MYOZ3: variants seen among roughly 807,000 people sequenced by gnomAD.
MYOZ3 encodes the protein myozenin-3.
Under a neutral mutation model 26.5 loss-of-function variants are expected in MYOZ3, and 19 were observed. The ratio of observed to expected loss-of-function variants is 0.72; its 90% CI spans 0.50 to 1.05. MYOZ3 has a LOEUF of 1.05. MYOZ3 is among the 50% of genes least tolerant of loss of function. The probability of loss-of-function intolerance (pLI) is 0.00; values close to 1 mark genes in which losing one functional copy is unlikely to be tolerated. For missense variants in MYOZ3, 322 were observed against 337.1 expected (o/e 0.96, Z 0.35); for synonymous variants, 135 against 138.8 (o/e 0.97, Z 0.19).
At chr5:150,666,050 AAAG>A (rs1430380979) in intron 2 of MYOZ3, among the ~76,000 whole-genome samples, 1 of 151,848 alleles carries the variant, frequency 6.6e-6, no homozygotes, top group Non-Finnish European at 1.5e-5. Context: ...AAAAAAAAAA[AAAG>A]AACAATATTG....
rs1758728291 is a variant in MYOZ3, at chr5:150,661,369, A to AG, written c.-58dup. ...CACGCAACTCTCAGCTTCCCGACAG[A>AG]GGTGTTAATCTTGAGGGTCTAAGAT... On this transcript the variant is annotated 5_prime_UTR_variant, in exon 1 of 7. Transcript: ENST00000517768. 6.6e-6 allele frequency: 1 copy of AG among 152,428 alleles called. No individual in the cohort carries two copies. The highest frequency in any genetic ancestry group is 1.5e-5 in the Non-Finnish European group (1 of 68,064). 9.4% of individuals were successfully genotyped at this position (152,428 alleles called of 1,614,324 possible). A position where few individuals can be genotyped will look rare whatever the true frequency, so the allele number is the denominator to read the frequency against.
chr5:150,665,112 C>T (rs1033072604), intron 2 of MYOZ3, among the ~76,000 whole-genome samples: 4 of 151,752 alleles, frequency 2.6e-5, no homozygotes, highest in African/African-American at 9.7e-5. Context: ...TGTTTGGACA[C>T]GTCATGTGTG....
In MYOZ3 at chr5:150,677,724, A is replaced by G. The variant is rs1286579920; in HGVS notation, c.*849A>G. On this transcript the variant is annotated 3_prime_UTR_variant, in exon 7 of 7. Coordinates refer to ENST00000517768, the MANE Select transcript of MYOZ3 (RefSeq NM_001122853.3). ...GCCAGGCCCGGGCCTCGAGGAGGAA[A>G]AGACAGTAGGGAAGACATTATAGAG... 6.6e-6 allele frequency: 1 copy of G among 152,246 alleles called. No homozygotes were observed. The highest frequency in any genetic ancestry group is 2.4e-5 in the African/African-American group (1 of 41,448). 9.4% of individuals were successfully genotyped at this position (152,246 alleles called of 1,614,324 possible).
At chr5:150,663,076 C>A in intron 2 of MYOZ3, 74 bp downstream of exon 2, 1 of 1,324,238 alleles carries the variant, frequency 7.6e-7, no homozygotes, top group South Asian at 1.3e-5. Flanking sequence ...TCACTCTGGC[C>A]TGCTGGCCCC....
At chr5:150,673,510 T>G (rs1758957770) in intron 6 of MYOZ3, among the ~76,000 whole-genome samples, 2 of 151,948 alleles carry the variant, frequency 1.3e-5, no homozygotes, top group Admixed American at 1.3e-4. Flanking sequence ...CCGGCTAATT[T>G]TTTGTATTTT....
intron 6 of MYOZ3, 125 bp from the exon 7 acceptor site, chr5:150,676,582 G>A: frequency 1.4e-6 from 1 of 699,568 alleles, no homozygotes; most frequent in Non-Finnish European, 2.4e-6. Context: ...GAATCTTGCT[G>A]TATAGAAGGG....
Position 150,678,042 on chromosome 5 carries a change from T to C in MYOZ3, c.*1167T>C, listed in dbSNP as rs1179039687. 2 of 152,364 alleles carry C rather than the reference T, an allele frequency of 1.3e-5. No individual in the cohort carries two copies. Among genetic ancestry groups the C allele is most frequent in the East Asian group, 3.9e-4 (2 of 5,194 alleles). The allele number at this position is 152,364 out of a possible 1,614,324, so 9.4% of individuals were successfully genotyped here. A position where few individuals can be genotyped will look rare whatever the true frequency, so the allele number is the denominator to read the frequency against. On this transcript the variant is annotated 3_prime_UTR_variant, in exon 7 of 7. Coordinates refer to ENST00000517768, the MANE Select transcript of MYOZ3 (RefSeq NM_001122853.3). ...CTAGAGGAGCCAGTGAGGGCCAGCA[T>C]GGGGTGGGCTTCACTAAGGAAATGG...
rs1256642444 is a variant in MYOZ3 at position 150,677,629 on chromosome 5, T to G, written c.*754T>G. 1.3e-5 allele frequency: 2 copies of G among 152,376 alleles called. No individual in the cohort carries two copies. Among genetic ancestry groups the G allele is most frequent in the South Asian group, 2.1e-4 (1 of 4,830 alleles). The allele number at this position is 152,376 out of a possible 1,614,324, so 9.4% of individuals were successfully genotyped here. ...AATAATTAGAAAATGTTCCTTTTAC[T>G]GAGATGCAGTTGGTCTTCATCTATT... On this transcript the variant is annotated 3_prime_UTR_variant, in exon 7 of 7. Coordinates refer to ENST00000517768, the MANE Select transcript of MYOZ3 (RefSeq NM_001122853.3).
At chr5:150,661,937 A>C (rs1758738612) in intron 1 of MYOZ3, among the ~76,000 whole-genome samples, 1 of 152,048 alleles carries the variant, frequency 6.6e-6, no homozygotes, top group South Asian at 2.1e-4. Flanking sequence ...ATTTAGCCTA[A>C]CCCCCTACTG....
chr5:150,664,136 T>C (rs1758774617), intron 2 of MYOZ3, among the ~76,000 whole-genome samples: 2 of 152,228 alleles, frequency 1.3e-5, no homozygotes, highest in African/African-American at 4.8e-5. Flanking sequence ...TCAGGGGACC[T>C]AAGTTAGGAC....
chr5:150,667,725 CTTACCAATCCTCTCT>C (rs1358743483), intron 2 of MYOZ3, among the ~76,000 whole-genome samples: 1 of 152,202 alleles, frequency 6.6e-6, no homozygotes, highest in African/African-American at 2.4e-5. Context: ...CTATATTGTT[CTTACCAATCCTCTCT>C]TTCTCTCTTT....
rs568317465 is a variant in MYOZ3, at chr5:150,661,703, G to A, written c.-2+276G>A. Among the ~76,000 whole-genome samples, 63 of 152,328 alleles carry A rather than the reference G, an allele frequency of 4.1e-4. 1 individual carries two copies. Among genetic ancestry groups the A allele is most frequent in the African/African-American group, 1.5e-3 (61 of 41,562 alleles). ...GATTTTTAGGCAGTAGAGGGAAGCA[G>A]CTTCTCTGTAAAATGAGAGACCCTT... On this transcript the variant is annotated intron_variant, in intron 1 of 6. Coordinates refer to ENST00000517768, the MANE Select transcript of MYOZ3 (RefSeq NM_001122853.3).
At chr5:150,666,768 C>CT (rs987593251) in intron 2 of MYOZ3, among the ~76,000 whole-genome samples, 77 of 139,672 alleles carry the variant, frequency 5.5e-4, no homozygotes, top group Middle Eastern at 3.6e-3. Context: ...TTCTTTTTTT[C>CT]TTTTTTTTTT....
intron 2 of MYOZ3, 84 bp from the exon 3 acceptor site, chr5:150,670,396 TACAC>T (rs1758882917): frequency 2.9e-6 from 4 of 1,387,102 alleles, no homozygotes; most frequent in Non-Finnish European, 3.8e-6. Flanking sequence ...CAGGCATTCT[TACAC>T]ACAGCATGCC....
intron 3 of MYOZ3, among the ~76,000 whole-genome samples, chr5:150,671,144 T>C (rs1474300837): frequency 6.6e-6 from 1 of 152,154 alleles, no homozygotes; most frequent in Non-Finnish European, 1.5e-5. Flanking sequence ...GGCTATTCCA[T>C]CCACCCTCCA....
At chr5:150,666,033 TAAA>T (rs61227926) in intron 2 of MYOZ3, among the ~76,000 whole-genome samples, 1 of 115,806 alleles carries the variant, frequency 8.6e-6, no homozygotes. Flanking sequence ...GAAACTCGTC[TAAA>T]AAAAAAAAAA....
In MYOZ3 at chr5:150,671,764, G is replaced by A; in HGVS notation, c.280G>A (p.Ala94Thr). 6.2e-7 allele frequency: 1 copy of A among 1,613,360 alleles called. No homozygotes were observed. The highest frequency in any genetic ancestry group is 8.5e-7 in the Non-Finnish European group (1 of 1,179,956). The change falls in exon 5 of 7, where the codon GCC (alanine) becomes ACC (threonine). Residue 94 changes from alanine (A) to threonine (T), a missense_variant. Transcript: ENST00000517768. Reference sequence around the variant, plus strand: ...CCGCCCCTGTGCCCAGGTTGCCAATGCCAATGGCCCTGAGGGGCCGAACTA... The same window carrying A: ...CCGCCCCTGTGCCCAGGTTGCCAATACCAATGGCCCTGAGGGGCCGAACTA... ...GTAESGTVAN[A>T]NGPEGPNYRS...
Position 150,666,550 on chromosome 5 carries a change from G to A in MYOZ3, c.61+3548G>A, listed in dbSNP as rs192917642. Among the ~76,000 whole-genome samples, 964 of 147,874 alleles carry A rather than the reference G, an allele frequency of 6.5e-3. 12 individuals are homozygous for A. Among genetic ancestry groups the A allele is most frequent in the African/African-American group, 0.023 (913 of 39,830 alleles). ...AATCACTAGAACCCAGGAGGCAGAG[G>A]TTGCAGTGAGCCGAGATTGCACCAC... On this transcript the variant is annotated intron_variant, in intron 2 of 6. Transcript: ENST00000517768.
chr5:150,663,484 C>T (rs13361514), intron 2 of MYOZ3, among the ~76,000 whole-genome samples: 6 of 151,938 alleles, frequency 3.9e-5, no homozygotes, highest in Non-Finnish European at 5.9e-5. Flanking sequence ...ACAGGGGAGT[C>T]GAGAGAGTGG....
Sources: gnomAD v4.1 joint callset for allele counts (sites outside exome capture counted in the v4.1 genomes callset) on GRCh38, gnomAD v4.1.1 for gene constraint, MANE v1.5 for transcripts, NCBI Gene and HGNC (gene_info 2026-07-23, HGNC 2026-07-21) for gene names.